ANO10: variants seen among roughly 807,000 people sequenced by gnomAD.
ANO10 encodes the protein anoctamin-10.
In ANO10, 77 loss-of-function variants were observed where a neutral mutation model predicts 74.7. That is an observed-to-expected ratio of 1.03 (90% CI 0.86 to 1.25). The LOEUF (loss-of-function observed/expected upper bound fraction) is 1.25, where lower values mean the gene tolerates loss of function less well. ANO10 is among the 50% of genes most tolerant of loss of function. The pLI is 0.00. For synonymous variants in ANO10, 279 were observed against 284.9 expected (o/e 0.98, Z 0.21); for missense variants, 721 against 778.1 (o/e 0.93, Z 0.87).
chr3:43,389,934 C>T (rs947852481), intron 12 of ANO10, among the ~76,000 whole-genome samples: 4 of 152,036 alleles, frequency 2.6e-5, no homozygotes, highest in Non-Finnish European at 4.4e-5. Flanking sequence ...AACAAAACAG[C>T]GGGTTGAGTC....
chr3:43,499,198 G>T (rs971709134), intron 11 of ANO10, among the ~76,000 whole-genome samples: 1 of 152,026 alleles, frequency 6.6e-6, no homozygotes, highest in African/African-American at 2.4e-5. Context: ...AATAAACTCG[G>T]CAAGTATTTA....
intron 11 of ANO10, among the ~76,000 whole-genome samples, chr3:43,504,300 G>GTAGA (rs550211978): frequency 0.084 from 11,736 of 139,662 alleles, 657 homozygotes; most frequent in African/African-American, 0.13. Flanking sequence ...AGGTAGGTAG[G>GTAGA]TAGATAGATA....
intron 11 of ANO10, chr3:43,484,876 T>C (rs897439387): frequency 3.4e-6 from 2 of 596,676 alleles, no homozygotes; most frequent in African/African-American, 3.8e-5. Flanking sequence ...CCAACAGGCA[T>C]GACCAATTGT....
intron 11 of ANO10, among the ~76,000 whole-genome samples, chr3:43,435,736 G>C (rs372420550): frequency 6.6e-6 from 1 of 152,172 alleles, no homozygotes; most frequent in East Asian, 1.9e-4. Context: ...TCTATTAAAA[G>C]TGAAAGCATC....
At chr3:43,638,495 T>C (rs1165540914) in intron 1 of ANO10, among the ~76,000 whole-genome samples, 1 of 152,208 alleles carries the variant, frequency 6.6e-6, no homozygotes, top group Non-Finnish European at 1.5e-5. Flanking sequence ...CAATGGGATA[T>C]AGATGGGATA....
At chr3:43,691,182 T>C (rs1575596170) in intron 1 of ANO10, 2 of 796,412 alleles carry the variant, frequency 2.5e-6, no homozygotes, top group Non-Finnish European at 3.5e-6. Context: ...CCGGCATGAG[T>C]CCGCGCGGCG....
At chr3:43,542,371 G>T (rs1208505994) in intron 11 of ANO10, among the ~76,000 whole-genome samples, 2 of 152,178 alleles carry the variant, frequency 1.3e-5, no homozygotes, top group Non-Finnish European at 2.9e-5. Flanking sequence ...GCCACAGATA[G>T]AAGGTACGTA....
At chr3:43,486,752 G>A (rs1323557368) in intron 11 of ANO10, among the ~76,000 whole-genome samples, 3 of 151,942 alleles carry the variant, frequency 2.0e-5, no homozygotes, top group Non-Finnish European at 2.9e-5. Context: ...TCTGCAAACA[G>A]GGACAATGTG....
chr3:43,383,558 C>T (rs2092033582), intron 12 of ANO10, among the ~76,000 whole-genome samples: 1 of 151,642 alleles, frequency 6.6e-6, no homozygotes, highest in Admixed American at 6.6e-5. Context: ...TGTGATATAC[C>T]ACATAAACCA....
intron 10 of ANO10, among the ~76,000 whole-genome samples, chr3:43,554,110 G>T (rs558370585): frequency 6.6e-6 from 1 of 151,378 alleles, no homozygotes; most frequent in East Asian, 1.9e-4. Context: ...GTGTCACCTT[G>T]GTAGTGGCAT....
chr3:43,605,677 G>C, intron 2 of ANO10, 37 bp downstream of exon 2: 1 of 1,610,698 alleles, frequency 6.2e-7, no homozygotes, highest in South Asian at 1.1e-5. Context: ...CAGTGTGGGA[G>C]GCCAGACTAA....
chr3:43,420,084 G>C (rs1367048734), intron 12 of ANO10, among the ~76,000 whole-genome samples: 1 of 152,126 alleles, frequency 6.6e-6, no homozygotes, highest in Non-Finnish European at 1.5e-5. Context: ...TTTCAGCCCA[G>C]TTTCTCTATG....
intron 11 of ANO10, among the ~76,000 whole-genome samples, chr3:43,498,538 T>G (rs970083309): frequency 1.3e-5 from 2 of 151,622 alleles, no homozygotes; most frequent in Non-Finnish European, 2.9e-5. Flanking sequence ...GAGGGAAGAG[T>G]AGGGAATAAA....
At chr3:43,664,018 T>C (rs1483586378) in intron 1 of ANO10, among the ~76,000 whole-genome samples, 1 of 152,126 alleles carries the variant, frequency 6.6e-6, no homozygotes, top group Non-Finnish European at 1.5e-5. Context: ...CTTCAAAGAA[T>C]TGGAAAAACT....
At chr3:43,387,194 T>C (rs58066802) in intron 12 of ANO10, among the ~76,000 whole-genome samples, 3,433 of 152,260 alleles carry the variant, frequency 0.023, 133 homozygotes, top group African/African-American at 0.077. Flanking sequence ...TACTGAACAC[T>C]ATAGGTGACT....
chr3:43,597,915 C>CAAAA (rs923446432), intron 4 of ANO10, among the ~76,000 whole-genome samples: 18 of 150,786 alleles, frequency 1.2e-4, no homozygotes, highest in South Asian at 2.1e-4. Context: ...AAGACTGTCT[C>CAAAA]AAAAAAACAA....
At chr3:43,426,219 C>A (rs930963215) in intron 12 of ANO10, among the ~76,000 whole-genome samples, 1 of 152,102 alleles carries the variant, frequency 6.6e-6, no homozygotes, top group Non-Finnish European at 1.5e-5. Flanking sequence ...CAAACTGTAA[C>A]GTGACTGCCT....
At chr3:43,615,722 C>T (rs1023178850) in intron 1 of ANO10, among the ~76,000 whole-genome samples, 1 of 151,644 alleles carries the variant, frequency 6.6e-6, no homozygotes, top group Admixed American at 6.6e-5. Flanking sequence ...GGCGCAATCT[C>T]GGCTCACTGC....
intron 11 of ANO10, among the ~76,000 whole-genome samples, chr3:43,519,018 G>A (rs1306640480): frequency 6.6e-6 from 1 of 152,074 alleles, no homozygotes; most frequent in Non-Finnish European, 1.5e-5. Context: ...AAACTTGCTG[G>A]TTTTGCGGCT....
Sources: gnomAD v4.1 joint callset for allele counts (sites outside exome capture counted in the v4.1 genomes callset) on GRCh38, gnomAD v4.1.1 for gene constraint, MANE v1.5 for transcripts, NCBI Gene and HGNC (gene_info 2026-07-23, HGNC 2026-07-21) for gene names.